DACH2: variants seen among roughly 807,000 people sequenced by gnomAD.
DACH2 encodes dachshund homolog 2.
A neutral mutation model predicts 35.8 loss-of-function variants in DACH2; 17 were observed. That is an observed-to-expected ratio of 0.48 (90% CI 0.33 to 0.71). The LOEUF is 0.71. Ranked by LOEUF, DACH2 falls within the 30% of genes least tolerant of loss-of-function variation. The pLI, the probability that DACH2 is intolerant of heterozygous loss-of-function variation, is 0.02. For missense variants in DACH2, 469 were observed against 472.7 expected, an observed-to-expected ratio of 0.99 and a Z score of 0.07; for synonymous variants, 195 against 177.3, an observed-to-expected ratio of 1.10 and a Z score of -0.79.
At chrX:86,540,348 A>C (rs972835748) in intron 3 of DACH2, among the ~76,000 whole-genome samples, 14 of 112,051 alleles carry the variant, frequency 1.2e-4, no homozygotes, top group Non-Finnish European at 2.3e-4. Flanking sequence ...TATCACAAAC[A>C]CAGAAACAAG....
intron 3 of DACH2, among the ~76,000 whole-genome samples, chrX:86,598,278 A>T (rs866689436): frequency 4.5e-5 from 5 of 111,656 alleles, no homozygotes. Flanking sequence ...GTAACATTTT[A>T]AAAATGTTTA....
chrX:86,300,684 A>C (rs1374750780), intron 1 of DACH2, among the ~76,000 whole-genome samples: 1 of 112,051 alleles, frequency 8.9e-6, no homozygotes, highest in African/African-American at 3.2e-5. Flanking sequence ...TTAAAGTATA[A>C]TAATAAAAAA....
chrX:86,577,397 T>TA (rs34987639), intron 3 of DACH2, among the ~76,000 whole-genome samples: 18,260 of 110,674 alleles, frequency 0.16, 1,546 homozygotes, highest in African/African-American at 0.32. Flanking sequence ...GCTCCTCCAT[T>TA]AAATTTTAAC....
intron 1 of DACH2, among the ~76,000 whole-genome samples, chrX:86,291,039 A>G (rs1178718449): frequency 9.7e-6 from 1 of 103,420 alleles, no homozygotes; most frequent in African/African-American, 3.6e-5. Flanking sequence ...CACGATATTG[A>G]TTCTTCCTAC....
intron 3 of DACH2, among the ~76,000 whole-genome samples, chrX:86,554,883 T>G (rs999876398): frequency 1.8e-5 from 2 of 111,979 alleles, no homozygotes; most frequent in South Asian, 7.3e-4. Flanking sequence ...AAATATTGCT[T>G]TGAATTTCTT....
intron 2 of DACH2, among the ~76,000 whole-genome samples, chrX:86,401,757 C>T (rs1471341589): frequency 1.8e-5 from 2 of 109,273 alleles, no homozygotes; most frequent in African/African-American, 6.7e-5. Flanking sequence ...GATTAATGCC[C>T]CGATGAACAT....
At chrX:86,543,220 C>T (rs745757261) in intron 3 of DACH2, among the ~76,000 whole-genome samples, 1 of 111,610 alleles carries the variant, frequency 9.0e-6, no homozygotes, top group East Asian at 2.8e-4. Context: ...TGGACTTGTT[C>T]CTGCCCCCCA....
intron 1 of DACH2, among the ~76,000 whole-genome samples, chrX:86,296,200 A>T (rs911887743): frequency 9.5e-6 from 1 of 105,098 alleles, no homozygotes; most frequent in Non-Finnish European, 1.9e-5. Flanking sequence ...TAACACGGTG[A>T]AACCCCGTCT....
At chrX:86,260,680 A>G (rs889168184) in intron 1 of DACH2, among the ~76,000 whole-genome samples, 1 of 111,964 alleles carries the variant, frequency 8.9e-6, no homozygotes, top group Admixed American at 9.5e-5. Context: ...ACAAAATCCA[A>G]AGATCTCATT....
intron 11 of DACH2, chrX:86,830,821 G>A (rs2042605093): frequency 1.8e-5 from 2 of 111,583 alleles, no homozygotes; most frequent in African/African-American, 6.5e-5. Context: ...TTTAGGCTGT[G>A]TATACAAAGG....
At chrX:86,504,481 T>TTTA (rs757506679) in intron 2 of DACH2, among the ~76,000 whole-genome samples, 8 of 67,563 alleles carry the variant, frequency 1.2e-4, no homozygotes, top group Non-Finnish European at 1.9e-4. Flanking sequence ...ATAGATCTTA[T>TTTA]TTATTTATTT....
intron 1 of DACH2, among the ~76,000 whole-genome samples, chrX:86,367,600 C>G (rs1305412825): frequency 9.0e-6 from 1 of 111,036 alleles, no homozygotes; most frequent in East Asian, 2.9e-4. Context: ...CTCATTCAAC[C>G]TTGGTTTTAC....
At chrX:86,414,843 G>A (rs1478669481) in intron 2 of DACH2, among the ~76,000 whole-genome samples, 1 of 111,285 alleles carries the variant, frequency 9.0e-6, no homozygotes, top group Non-Finnish European at 1.9e-5. Context: ...TACTTAGTGG[G>A]CCCAAATTCA....
chrX:86,478,806 A>C (rs746603960), intron 2 of DACH2, among the ~76,000 whole-genome samples: 1 of 110,266 alleles, frequency 9.1e-6, no homozygotes, highest in South Asian at 3.9e-4. Flanking sequence ...TTACAGCTCC[A>C]GAAGCCCCAG....
intron 2 of DACH2, among the ~76,000 whole-genome samples, chrX:86,391,568 G>A (rs1198174419): frequency 4.5e-5 from 5 of 110,920 alleles, no homozygotes; most frequent in Non-Finnish European, 9.4e-5. Context: ...CGGCTTTGAG[G>A]ATTTTTCTAA....
chrX:86,294,202 C>A (rs1454910835), intron 1 of DACH2, among the ~76,000 whole-genome samples: 1 of 111,815 alleles, frequency 8.9e-6, no homozygotes, highest in Non-Finnish European at 1.9e-5. Context: ...ACGCTTTCTT[C>A]CAGTTGATTG....
chrX:86,620,582 C>G (rs2040057736), intron 3 of DACH2, among the ~76,000 whole-genome samples: 1 of 110,994 alleles, frequency 9.0e-6, no homozygotes, highest in African/African-American at 3.3e-5. Context: ...CTCTGAGTCT[C>G]AAACATATTT....
intron 1 of DACH2, among the ~76,000 whole-genome samples, chrX:86,295,642 C>T (rs954862353): frequency 9.0e-6 from 1 of 111,129 alleles, no homozygotes; most frequent in Non-Finnish European, 1.9e-5. Flanking sequence ...TTTAAATGCT[C>T]TCTCCTTGGT....
At chrX:86,511,217 C>T (rs776194631) in intron 2 of DACH2, among the ~76,000 whole-genome samples, 37 of 111,558 alleles carry the variant, frequency 3.3e-4, no homozygotes, top group African/African-American at 1.2e-3. Context: ...TTGTCAGGTT[C>T]GTGTTCTTTA....
Sources: gnomAD v4.1 joint callset for allele counts (sites outside exome capture counted in the v4.1 genomes callset) on GRCh38, gnomAD v4.1.1 for gene constraint, MANE v1.5 for transcripts, NCBI Gene and HGNC (gene_info 2026-07-23, HGNC 2026-07-21) for gene names.